The following TSPAN3 variants were observed in gnomAD, a reference collection of about 807,000 sequenced individuals.
The protein encoded by TSPAN3 is tetraspanin 3.
A neutral mutation model predicts 31.1 loss-of-function variants in TSPAN3; 9 were observed. That is an observed-to-expected ratio of 0.29 (90% CI 0.17 to 0.50). The LOEUF (loss-of-function observed/expected upper bound fraction) is 0.50, where lower values mean the gene tolerates loss of function less well. TSPAN3 is among the 20% of genes least tolerant of loss of function. The pLI, the probability that TSPAN3 is intolerant of heterozygous loss-of-function variation, is 0.98. For missense variants in TSPAN3, 252 were observed against 313.5 expected, an observed-to-expected ratio of 0.80 and a Z score of 1.48; for synonymous variants, 129 against 114.3, an observed-to-expected ratio of 1.13 and a Z score of -0.82.
intron 6 of TSPAN3, among the ~76,000 whole-genome samples, chr15:77,050,363 T>G (rs930768971): frequency 6.6e-6 from 1 of 152,150 alleles, no homozygotes; most frequent in Non-Finnish European, 1.5e-5. Flanking sequence ...CTTGCTGAAG[T>G]GAAAAAATCA....
intron 3 of TSPAN3, 57 bp from the exon 4 acceptor site, chr15:77,054,336 C>A: frequency 8.4e-7 from 1 of 1,188,990 alleles, no homozygotes; most frequent in South Asian, 1.2e-5. Context: ...TAACATTAGT[C>A]AAGGCTCCTA....
chr15:77,047,398 G>A (rs1392263204), intron 6 of TSPAN3, among the ~76,000 whole-genome samples: 2 of 152,066 alleles, frequency 1.3e-5, no homozygotes, highest in Non-Finnish European at 2.9e-5. Flanking sequence ...GGAGTAGAAT[G>A]AGCAAGAATG....
intron 1 of TSPAN3, among the ~76,000 whole-genome samples, chr15:77,062,577 G>C (rs2076807044): frequency 6.6e-6 from 1 of 152,232 alleles, no homozygotes; most frequent in Non-Finnish European, 1.5e-5. Context: ...AGGGTGCAGA[G>C]AGAAGGGCCC....
rs150635346 is a variant in TSPAN3, at chr15:77,042,480, G to A, written c.*4355C>T. ...TTGTTAGATCAGAAATTAGGGGAGT[G>A]CTTCCAAAAATGCTGGGATATAGGA... On this transcript the variant is annotated 3_prime_UTR_variant, in exon 7 of 7. Coordinates refer to ENST00000267970, the MANE Select transcript of TSPAN3 (RefSeq NM_005724.6). 1 of 152,250 alleles carries A rather than the reference G, an allele frequency of 6.6e-6. No homozygotes were observed. Among genetic ancestry groups the A allele is most frequent in the African/African-American group, 2.4e-5 (1 of 41,552 alleles). The allele number at this position is 152,250 out of a possible 1,614,324, so 9.4% of individuals were successfully genotyped here.
chr15:77,059,886 A>G (rs1176589062), intron 1 of TSPAN3, among the ~76,000 whole-genome samples: 1 of 152,188 alleles, frequency 6.6e-6, no homozygotes, highest in Non-Finnish European at 1.5e-5. Flanking sequence ...ACTCACACTT[A>G]GTGCTGCTTG....
At chr15:77,054,942 G>C (rs2076758583) in intron 3 of TSPAN3, 1 of 152,188 alleles carries the variant, frequency 6.6e-6, no homozygotes, top group Non-Finnish European at 1.5e-5. Flanking sequence ...ACCCCTCGGA[G>C]GACTGGACTT....
At chr15:77,052,358 T>C (rs771933209) in intron 6 of TSPAN3, 27 bp downstream of exon 6, 38 of 1,608,380 alleles carry the variant, frequency 2.4e-5, no homozygotes, top group Admixed American at 6.7e-5. Context: ...CTCACTCCGA[T>C]AGAACTCCTT....
At chr15:77,057,928 T>C (rs2076777860) in intron 1 of TSPAN3, among the ~76,000 whole-genome samples, 1 of 152,208 alleles carries the variant, frequency 6.6e-6, no homozygotes, top group Non-Finnish European at 1.5e-5. Flanking sequence ...CCAGCCCATC[T>C]AATCTTCCCT....
At chr15:77,057,058 G>C (rs1435410163) in intron 1 of TSPAN3, among the ~76,000 whole-genome samples, 1 of 152,170 alleles carries the variant, frequency 6.6e-6, no homozygotes, top group Admixed American at 6.5e-5. Flanking sequence ...AACACACAAA[G>C]ACAAGTGATA....
rs2152694421 is a variant in TSPAN3, at chr15:77,044,153, A to G, written c.*2682T>C. On this transcript the variant is annotated 3_prime_UTR_variant, in exon 7 of 7. Transcript: ENST00000267970. Reference sequence around the variant, plus strand: ...TCAACCAGGGCTGTGTCCTGGACACACCCTAGAGCACCTTAGATGCTCTGG... The same window carrying G: ...TCAACCAGGGCTGTGTCCTGGACACGCCCTAGAGCACCTTAGATGCTCTGG... The G allele has an allele frequency of 6.6e-6, 1 of 152,300 alleles. No individual in the cohort carries two copies. The highest frequency in any genetic ancestry group is 1.9e-4 in the East Asian group (1 of 5,186). The allele number at this position is 152,300 out of a possible 1,614,324, so 9.4% of individuals were successfully genotyped here. A position where few individuals can be genotyped will look rare whatever the true frequency, so the allele number is the denominator to read the frequency against.
At chr15:77,066,005 G>A (rs1286146654) in intron 1 of TSPAN3, among the ~76,000 whole-genome samples, 2 of 152,006 alleles carry the variant, frequency 1.3e-5, no homozygotes, top group South Asian at 2.1e-4. Context: ...TCCAGTCCCT[G>A]TAATGCCTAA....
At chr15:77,049,354 C>T (rs554343663) in intron 6 of TSPAN3, among the ~76,000 whole-genome samples, 130 of 152,220 alleles carry the variant, frequency 8.5e-4, no homozygotes, top group African/African-American at 3.0e-3. Context: ...TGCTCTTGAT[C>T]GTTCTATCTT....
intron 1 of TSPAN3, chr15:77,064,325 T>C (rs1251221663): frequency 1.3e-5 from 2 of 152,068 alleles, no homozygotes; most frequent in Admixed American, 1.3e-4. Flanking sequence ...TTTACTCTAT[T>C]TCTCAAAAAA....
At chr15:77,068,248 AACTTT>A (rs1262867911) in intron 1 of TSPAN3, 1 of 152,136 alleles carries the variant, frequency 6.6e-6, no homozygotes, top group Non-Finnish European at 1.5e-5. Flanking sequence ...AGCTCACAAA[AACTTT>A]ACTACCCTAC....
At position 77,045,932 on chromosome 15, in the gene TSPAN3, C is replaced by T. The variant is rs2076688144; in HGVS notation, c.*903G>A. The stretch of plus-strand genomic sequence containing the variant: ...TGGCAACAGCTATAACGAAAACACA[C>T]GTAAACCATGATGAACTATAGACAG... On this transcript the variant is annotated 3_prime_UTR_variant, in exon 7 of 7. Coordinates refer to ENST00000267970, the MANE Select transcript of TSPAN3 (RefSeq NM_005724.6). The T allele has an allele frequency of 6.6e-6, 1 of 152,490 alleles. No homozygotes were observed. The highest frequency in any genetic ancestry group is 1.5e-5 in the Non-Finnish European group (1 of 68,320). The allele number at this position is 152,490 out of a possible 1,614,324, so 9.4% of individuals were successfully genotyped here.
intron 1 of TSPAN3, among the ~76,000 whole-genome samples, chr15:77,061,339 C>A (rs1596167314): frequency 6.6e-6 from 1 of 152,106 alleles, no homozygotes; most frequent in East Asian, 1.9e-4. Context: ...ACCGGCCTGA[C>A]CAACATGCAG....
chr15:77,042,440 G>C lies in TSPAN3; in HGVS notation c.*4395C>G, dbSNP rs1386690444. 4 of 152,162 alleles carry C rather than the reference G, an allele frequency of 2.6e-5. No individual in the cohort carries two copies. The highest frequency in any genetic ancestry group is 5.9e-5 in the Non-Finnish European group (4 of 68,042). The allele number at this position is 152,162 out of a possible 1,614,324, so 9.4% of individuals were successfully genotyped here. A position where few individuals can be genotyped will look rare whatever the true frequency, so the allele number is the denominator to read the frequency against. On this transcript the variant is annotated 3_prime_UTR_variant, in exon 7 of 7. Coordinates refer to ENST00000267970, the MANE Select transcript of TSPAN3 (RefSeq NM_005724.6). ...AACACTGATCCATGGCTGGTGCCCA[G>C]GGGCCTGGAACATCTTGTTAGATCA...
Position 77,042,987 on chromosome 15 carries a change from T to C in TSPAN3, c.*3848A>G, listed in dbSNP as rs1481650334. On this transcript the variant is annotated 3_prime_UTR_variant, in exon 7 of 7. Coordinates refer to ENST00000267970, the MANE Select transcript of TSPAN3 (RefSeq NM_005724.6). ...GGGGCTCTGAAAACTCCTTTACCCT[T>C]TGCCAGCCTGACCCACAGTGGGCTC... 6.6e-6 allele frequency: 1 copy of C among 152,208 alleles called. No individual in the cohort carries two copies. Among genetic ancestry groups the C allele is most frequent in the Non-Finnish European group, 1.5e-5 (1 of 68,070 alleles). The allele number at this position is 152,208 out of a possible 1,614,324, so 9.4% of individuals were successfully genotyped here.
At chr15:77,059,054 G>C (rs915882509) in intron 1 of TSPAN3, among the ~76,000 whole-genome samples, 1 of 152,068 alleles carries the variant, frequency 6.6e-6, no homozygotes, top group Admixed American at 6.6e-5. Flanking sequence ...GTGGAGAAGA[G>C]AAATAGTTTA....
Sources: gnomAD v4.1 joint callset for allele counts (sites outside exome capture counted in the v4.1 genomes callset) on GRCh38, gnomAD v4.1.1 for gene constraint, MANE v1.5 for transcripts, NCBI Gene and HGNC (gene_info 2026-07-23, HGNC 2026-07-21) for gene names.